The following MARF1 variants were observed in gnomAD, a reference collection of about 807,000 sequenced individuals.
The protein encoded by MARF1 is limkain-b1.
A neutral mutation model predicts 168.2 loss-of-function variants in MARF1; 24 were observed. The observed-to-expected ratio is 0.14, with a 90% CI of 0.10 to 0.20. The LOEUF (loss-of-function observed/expected upper bound fraction) is 0.20. Among genes scored for constraint, MARF1 ranks in the 10% least tolerant of loss-of-function variants. The pLI, the probability that MARF1 is intolerant of heterozygous loss-of-function variation, is 1.00. For missense variants in MARF1, 1,744 were observed against 2,143.6 expected (o/e 0.81, Z 3.68); for synonymous variants, 868 against 822.4 (o/e 1.06, Z -0.95).
Position 15,596,092 on chromosome 16 carries a change from TTAAA to T in MARF1, c.*597_*600del, listed in dbSNP as rs1437842224. 1 of 152,620 alleles carries T rather than the reference TTAAA, an allele frequency of 6.6e-6. No individual in the cohort carries two copies. Among genetic ancestry groups the T allele is most frequent in the Non-Finnish European group, 1.5e-5 (1 of 68,036 alleles). 9.5% of individuals were successfully genotyped at this position (152,620 alleles called of 1,614,324 possible). Reference sequence around the variant, plus strand: ...CACTTTTGTCAACTACAGACATAGTTTAAATAAAAAACAAGGCACACTTACAAGT... The same window carrying T: ...CACTTTTGTCAACTACAGACATAGTTTAAAAAACAAGGCACACTTACAAGT... On this transcript the variant is annotated 3_prime_UTR_variant, in exon 27 of 27. Coordinates refer to ENST00000396368, the MANE Select transcript of MARF1 (RefSeq NM_014647.4).
At chr16:15,612,230 A>G (rs923830027) in intron 17 of MARF1, among the ~76,000 whole-genome samples, 3 of 152,220 alleles carry the variant, frequency 2.0e-5, no homozygotes, top group Non-Finnish European at 2.9e-5. Flanking sequence ...GCACCAACAT[A>G]CAAGTATGTG....
chr16:15,628,961 T>C (rs1386974933), intron 7 of MARF1, among the ~76,000 whole-genome samples: 2 of 152,114 alleles, frequency 1.3e-5, no homozygotes, highest in Non-Finnish European at 2.9e-5. Context: ...TATCAAAACA[T>C]TGTTTTGGTT....
intron 7 of MARF1, 76 bp downstream of exon 7, chr16:15,630,256 C>T (rs3752422): frequency 0.46 from 635,872 of 1,375,898 alleles, 149,150 homozygotes; most frequent in Middle Eastern, 0.53. Flanking sequence ...GCCTGGCAAC[C>T]CCCTTATTAT....
intron 13 of MARF1, among the ~76,000 whole-genome samples, chr16:15,619,399 A>C (rs1235511707): frequency 6.6e-6 from 1 of 152,184 alleles, no homozygotes; most frequent in Non-Finnish European, 1.5e-5. Flanking sequence ...ATTTGGACTG[A>C]TGTAGCTACT....
chr16:15,609,042 C>T (rs530644466), intron 20 of MARF1, among the ~76,000 whole-genome samples: 45 of 152,298 alleles, frequency 3.0e-4, no homozygotes, highest in African/African-American at 1.0e-3. Flanking sequence ...AGCTCAAGAC[C>T]AGCCTGGCCA....
At chr16:15,600,942 C>CT (rs1193724571) in intron 23 of MARF1, 1 of 694,678 alleles carries the variant, frequency 1.4e-6, no homozygotes, top group East Asian at 2.7e-5. Flanking sequence ...CAGAAATATC[C>CT]TTTATAATTC....
intron 25 of MARF1, 55 bp downstream of exon 25, chr16:15,600,373 A>C: frequency 6.2e-7 from 1 of 1,609,432 alleles, no homozygotes; most frequent in South Asian, 1.1e-5. Context: ...CCGACCCCAA[A>C]GCCGTTTCTC....
chr16:15,641,692 T>G (rs147710104), intron 1 of MARF1, among the ~76,000 whole-genome samples: 1 of 152,328 alleles, frequency 6.6e-6, no homozygotes, highest in East Asian at 1.9e-4. Context: ...AGAAATTAGC[T>G]ACATTTTTGC....
Position 15,612,700 on chromosome 16 carries a change from G to A in MARF1, c.3331C>T (p.Leu1111=). The A allele has an allele frequency of 1.2e-6, 2 of 1,614,190 alleles. 1 individual carries two copies. The highest frequency in any genetic ancestry group is 1.7e-6 in the Non-Finnish European group (2 of 1,180,026). The change falls in exon 17 of 27, where the codon CTG becomes TTG. Residue 1111 remains leucine (L), a synonymous_variant. Transcript: ENST00000396368. ...IQFSREVIDL[L]KSQPSCVIPI... is the part of the protein sequence containing the mutation. ...ATGACACAAGATGGCTGGCTTTTCAGCAAGTCAATCACTTCTCTACTGAAC... is the reference window on the plus strand; with the variant it reads ...ATGACACAAGATGGCTGGCTTTTCAACAAGTCAATCACTTCTCTACTGAAC...
At chr16:15,623,891 A>T (rs1422848455) in intron 10 of MARF1, among the ~76,000 whole-genome samples, 1 of 150,736 alleles carries the variant, frequency 6.6e-6, no homozygotes, top group Non-Finnish European at 1.5e-5. Context: ...GTAATTTTAT[A>T]GATCCATAGT....
At chr16:15,603,317 T>C (rs2032693563) in intron 22 of MARF1, among the ~76,000 whole-genome samples, 1 of 152,152 alleles carries the variant, frequency 6.6e-6, no homozygotes, top group Non-Finnish European at 1.5e-5. Flanking sequence ...AAGCTTTCCT[T>C]TTTTCTTTTT....
intron 16 of MARF1, 95 bp from the exon 17 acceptor site, chr16:15,612,872 CATGGGGAAGCAAACA>C: frequency 1.0e-6 from 1 of 1,001,548 alleles, no homozygotes; most frequent in Admixed American, 1.9e-5. Flanking sequence ...TGAGTTCGAT[CATGGGGAAGCAAACA>C]AAACCAAATA....
chr16:15,632,911 A>G (rs1426905537), intron 5 of MARF1, among the ~76,000 whole-genome samples: 1 of 152,116 alleles, frequency 6.6e-6, no homozygotes, highest in Non-Finnish European at 1.5e-5. Flanking sequence ...TCAGGGCCTT[A>G]GTTTAATTTG....
Position 15,623,119 on chromosome 16 carries a change from T to C in MARF1, c.2275A>G (p.Met759Val), listed in dbSNP as rs769450987. Reference sequence around the variant, plus strand: ...GCTCTGTTTAAAAGGTTTGGAGACATACTCCTGCTTAAAACACACATATTG... The same window carrying C: ...GCTCTGTTTAAAAGGTTTGGAGACACACTCCTGCTTAAAACACACATATTG... ...LASQSWSSRS[M>V]SPNLLNRASP... Residue 759 changes from methionine to valine, a missense_variant, in exon 11 of 27, where the codon ATG (methionine) becomes GTG (valine). By Grantham distance (21) the Met-to-Val change is conservative (BLOSUM62 1). Around this residue, in one of 7 missense-constraint regions of MARF1, gnomAD observed 270 missense variants for 260.6 expected, o/e 1.04. Coordinates refer to ENST00000396368, the MANE Select transcript of MARF1 (RefSeq NM_014647.4). 15 of 1,581,750 alleles carry C rather than the reference T, an allele frequency of 9.5e-6. No homozygotes were observed. Among genetic ancestry groups the C allele is most frequent in the Middle Eastern group, 3.4e-4 (2 of 5,964 alleles).
chr16:15,613,701 A>T (rs183340370), intron 16 of MARF1, among the ~76,000 whole-genome samples: 6 of 151,132 alleles, frequency 4.0e-5, no homozygotes, highest in Non-Finnish European at 5.9e-5. Flanking sequence ...AATAAAATAA[A>T]ATAAAATAAA....
chr16:15,627,383 G>A (rs1316284039), intron 7 of MARF1, among the ~76,000 whole-genome samples: 3 of 152,260 alleles, frequency 2.0e-5, no homozygotes, highest in East Asian at 3.9e-4. Flanking sequence ...ACTTTGCGAG[G>A]CCAAAGCGGG....
intron 22 of MARF1, 47 bp downstream of exon 22, chr16:15,604,121 A>C: frequency 7.1e-7 from 1 of 1,405,204 alleles, no homozygotes; most frequent in Non-Finnish European, 1.0e-6. Flanking sequence ...GAAATGCCCA[A>C]TCGATAGTTT....
At chr16:15,641,230 G>A (rs888571070) in intron 1 of MARF1, among the ~76,000 whole-genome samples, 1 of 151,966 alleles carries the variant, frequency 6.6e-6, no homozygotes, top group African/African-American at 2.4e-5. Context: ...TGTATCTCTT[G>A]TGCCAACCAA....
chr16:15,640,744 A>T (rs1286161153), intron 1 of MARF1, among the ~76,000 whole-genome samples: 1 of 152,198 alleles, frequency 6.6e-6, no homozygotes, highest in Non-Finnish European at 1.5e-5. Flanking sequence ...AGTGTCCATA[A>T]ATAAAGTTTA....
Sources: gnomAD v4.1 joint callset for allele counts (sites outside exome capture counted in the v4.1 genomes callset) on GRCh38, gnomAD v4.1.1 for gene constraint, gnomAD v4.1.1 regional missense constraint, MANE v1.5 for transcripts, NCBI Gene and HGNC (gene_info 2026-07-23, HGNC 2026-07-21) for gene names.